GIGYF2: variants seen among roughly 807,000 people sequenced by gnomAD.
GIGYF2 encodes GRB10-interacting GYF protein 2.
A neutral mutation model predicts 208.1 loss-of-function variants in GIGYF2; 25 were observed. The ratio of observed to expected loss-of-function variants is 0.12; its 90% CI spans 0.09 to 0.17. The LOEUF (loss-of-function observed/expected upper bound fraction) is 0.17. GIGYF2 is among the 10% of genes least tolerant of loss of function. The pLI is 1.00. For missense variants in GIGYF2, 1,302 were observed against 1,579.4 expected, an observed-to-expected ratio of 0.82 and a Z score of 2.98; for synonymous variants, 534 against 543.8, an observed-to-expected ratio of 0.98 and a Z score of 0.25.
intron 3 of GIGYF2, among the ~76,000 whole-genome samples, chr2:232,746,187 A>C (rs1698143184): frequency 6.6e-6 from 1 of 151,956 alleles, no homozygotes; most frequent in African/African-American, 2.4e-5. Flanking sequence ...AAAAAAAAAA[A>C]ATCCCACCCC....
intron 3 of GIGYF2, among the ~76,000 whole-genome samples, chr2:232,742,728 A>G (rs1698015545): frequency 6.6e-6 from 1 of 152,170 alleles, no homozygotes; most frequent in South Asian, 2.1e-4. Flanking sequence ...GGACATGGTA[A>G]TTGGGTATGA....
chr2:232,705,086 C>G (rs910496055), intron 2 of GIGYF2, among the ~76,000 whole-genome samples: 4 of 150,968 alleles, frequency 2.6e-5, no homozygotes, highest in Admixed American at 2.6e-4. Context: ...GTCTCGATCT[C>G]CTGACCTCGT....
intron 4 of GIGYF2, 116 bp from the exon 5 acceptor site, chr2:232,748,871 G>T: frequency 2.8e-6 from 2 of 725,282 alleles, no homozygotes; most frequent in Non-Finnish European, 5.1e-6. Context: ...GCATTAATCT[G>T]TATTTATAAT....
At chr2:232,789,430 A>T (rs1301453799) in intron 9 of GIGYF2, among the ~76,000 whole-genome samples, 1 of 152,194 alleles carries the variant, frequency 6.6e-6, no homozygotes, top group Non-Finnish European at 1.5e-5. Context: ...AATTCATTTG[A>T]TCATGAAGAC....
chr2:232,765,348 C>T (rs1698912532), intron 8 of GIGYF2: 1 of 152,336 alleles, frequency 6.6e-6, no homozygotes, highest in Non-Finnish European at 1.5e-5. Context: ...TATCCTACGA[C>T]ATCACATTAA....
At position 232,791,265 on chromosome 2, in the gene GIGYF2, T is replaced by C. The variant is rs746450842; in HGVS notation, c.1101T>C (p.Ser367=). Residue 367 remains serine (S), a synonymous_variant, in exon 12 of 29, where the codon AGT becomes AGC. Transcript: ENST00000373563. ...EKTDRVGVEA[S]EETPQTSSSS... The stretch of plus-strand genomic sequence containing the variant: ...GATTACTTCGTGTTCCAGAAGCTAG[T>C]GAGGAAACTCCCCAGACCTCATCAT... 6.2e-7 allele frequency: 1 copy of C among 1,614,078 alleles called. No homozygotes were observed. Among genetic ancestry groups the C allele is most frequent in the South Asian group, 1.1e-5 (1 of 91,086 alleles).
chr2:232,813,637 G>C (rs1354494674), intron 18 of GIGYF2, among the ~76,000 whole-genome samples: 1 of 152,166 alleles, frequency 6.6e-6, no homozygotes, highest in Admixed American at 6.5e-5. Flanking sequence ...AGTTTTTCTA[G>C]AGCTGTTGAG....
At chr2:232,711,705 G>GTGTGTATATATATATATATA (rs147184549) in intron 2 of GIGYF2, among the ~76,000 whole-genome samples, 1 of 115,762 alleles carries the variant, frequency 8.6e-6, no homozygotes, top group Non-Finnish European at 1.8e-5. Flanking sequence ...TCACAATGAT[G>GTGTGTATATATATATATATA]TATATATATA....
At chr2:232,715,577 TGG>T (rs201738764) in intron 2 of GIGYF2, among the ~76,000 whole-genome samples, 1 of 149,694 alleles carries the variant, frequency 6.7e-6, no homozygotes, top group Non-Finnish European at 1.5e-5. Context: ...GTTGGCTTTC[TGG>T]GAAAAAAAAA....
chr2:232,853,187 A>C (rs1225809550), intron 28 of GIGYF2, among the ~76,000 whole-genome samples: 1 of 152,258 alleles, frequency 6.6e-6, no homozygotes, highest in Non-Finnish European at 1.5e-5. Context: ...ATTAATAACT[A>C]TCCATTAGCT....
chr2:232,748,827 A>T (rs1292852165), intron 4 of GIGYF2, among the ~76,000 whole-genome samples, 160 bp from the exon 5 acceptor site: 1 of 152,224 alleles, frequency 6.6e-6, no homozygotes, highest in Non-Finnish European at 1.5e-5. Flanking sequence ...CTCAAAATGT[A>T]TAAGGACTAT....
Position 232,819,810 on chromosome 2 carries a change from C to A in GIGYF2, c.2371-17C>A. On this transcript the variant is annotated splice_polypyrimidine_tract_variant and intron_variant, in intron 20 of 28. Coordinates refer to ENST00000373563, the MANE Select transcript of GIGYF2 (RefSeq NM_001103146.3). Reference sequence around the variant, plus strand: ...GAGTCCCTCCCCCACCCCCCACCCTCCATCTTTTTTCCTTAGGAAGAGGCT... The same window carrying A: ...GAGTCCCTCCCCCACCCCCCACCCTACATCTTTTTTCCTTAGGAAGAGGCT... 2.2e-6 allele frequency: 1 copy of A among 454,292 alleles called. No individual in the cohort carries two copies. The highest frequency in any genetic ancestry group is 3.9e-6 in the Non-Finnish European group (1 of 254,142). 28.1% of individuals were successfully genotyped at this position (454,292 alleles called of 1,614,324 possible). A position where few individuals can be genotyped will look rare whatever the true frequency, so the allele number is the denominator to read the frequency against.
At position 232,847,334 on chromosome 2, in the gene GIGYF2, C is replaced by T. The variant is rs1196623470; in HGVS notation, c.3461-14C>T. Reference sequence around the variant, plus strand: ...TTCATTGTTACCCTTATCTTCTCCCCTCCCGTTTTGCAGTTCCCACATTTG... The same window carrying T: ...TTCATTGTTACCCTTATCTTCTCCCTTCCCGTTTTGCAGTTCCCACATTTG... On this transcript the variant is annotated splice_polypyrimidine_tract_variant and intron_variant, in intron 26 of 28. Transcript: ENST00000373563. 1.9e-6 allele frequency: 3 copies of T among 1,609,144 alleles called. No individual in the cohort carries two copies. The highest frequency in any genetic ancestry group is 1.1e-5 in the South Asian group (1 of 91,002).
chr2:232,779,295 A>G (rs1412304055), intron 8 of GIGYF2, among the ~76,000 whole-genome samples: 1 of 152,196 alleles, frequency 6.6e-6, no homozygotes, highest in Non-Finnish European at 1.5e-5. Flanking sequence ...ATAATGATTA[A>G]ATTAAACAAG....
rs1454215140 is a variant in GIGYF2 at position 232,791,011 on chromosome 2, G to A, written c.934G>A (p.Val312Ile). 2 of 1,613,930 alleles carry A rather than the reference G, an allele frequency of 1.2e-6. No individual in the cohort carries two copies. Among genetic ancestry groups the A allele is most frequent in the African/African-American group, 1.3e-5 (1 of 75,018 alleles). The change falls in exon 11 of 29, where the codon GTA becomes ATA. Residue 312 changes from valine (V) to isoleucine (I), a missense_variant. Physicochemically the swap from Val to Ile is conservative, Grantham distance 29 (BLOSUM62 3). This residue lies in a region of GIGYF2 where 235 missense variants were observed against 218.8 expected (regional missense o/e 1.07). Transcript: ENST00000373563. ...SSGAFLSLKKVQKEPIPEEQE... is the reference protein window; with the variant it reads ...SSGAFLSLKKIQKEPIPEEQE... ...TGGTTTTATTCTCTTTCTACAGAAA[G>A]TACAGAAAGAGCCTATTCCAGAAGA...
At chr2:232,850,559 C>A in intron 28 of GIGYF2, 150 bp downstream of exon 28, 1 of 801,986 alleles carries the variant, frequency 1.2e-6, no homozygotes, top group Non-Finnish European at 2.1e-6. Context: ...AAATAAGTAG[C>A]CAGTATTTAC....
At chr2:232,782,715 G>A (rs1699760204) in intron 8 of GIGYF2, 1 of 152,184 alleles carries the variant, frequency 6.6e-6, no homozygotes, top group Non-Finnish European at 1.5e-5. Context: ...ACAGAGATTA[G>A]CATGGCCCCT....
At chr2:232,754,362 A>C (rs1698453011) in intron 5 of GIGYF2, among the ~76,000 whole-genome samples, 1 of 152,186 alleles carries the variant, frequency 6.6e-6, no homozygotes, top group Non-Finnish European at 1.5e-5. Flanking sequence ...ATGGGTAAGA[A>C]GTAGAATTGT....
chr2:232,824,816 GGCTTCAAA>G (rs1436198403), intron 21 of GIGYF2, among the ~76,000 whole-genome samples: 4 of 152,180 alleles, frequency 2.6e-5, no homozygotes, highest in Admixed American at 1.3e-4. Flanking sequence ...GTCAGTGCGT[GGCTTCAAA>G]GCTTTAAAGG....
Sources: gnomAD v4.1 joint callset for allele counts (sites outside exome capture counted in the v4.1 genomes callset) on GRCh38, gnomAD v4.1.1 for gene constraint, gnomAD v4.1.1 regional missense constraint, MANE v1.5 for transcripts, NCBI Gene and HGNC (gene_info 2026-07-23, HGNC 2026-07-21) for gene names.